Variants in RAMP1 observed in about 807,000 individuals in gnomAD.
RAMP1 encodes the protein receptor activity-modifying protein 1.
Under a neutral mutation model 8.2 loss-of-function variants are expected in RAMP1, and 7 were observed. The observed-to-expected ratio is 0.85, with a 90% CI of 0.49 to 1.60. The LOEUF (loss-of-function observed/expected upper bound fraction) is 1.60. RAMP1 is among the 40% of genes most tolerant of loss of function. The pLI is 0.00. For synonymous variants in RAMP1, 92 were observed against 84.7 expected, an observed-to-expected ratio of 1.09 and a Z score of -0.47; for missense variants, 192 against 202.4, an observed-to-expected ratio of 0.95 and a Z score of 0.31.
At chr2:237,904,840 G>A (rs965288729) in intron 2 of RAMP1, among the ~76,000 whole-genome samples, 2 of 152,196 alleles carry the variant, frequency 1.3e-5, no homozygotes, top group African/African-American at 2.4e-5. Context: ...CTGGGTAAGA[G>A]GTGGAGCTGG....
At chr2:237,909,942 T>A (rs1176759567) in intron 2 of RAMP1, among the ~76,000 whole-genome samples, 1 of 152,004 alleles carries the variant, frequency 6.6e-6, no homozygotes, top group Non-Finnish European at 1.5e-5. Context: ...ATGGCTTCTC[T>A]CCAAGCCAAG....
At chr2:237,859,581 G>GC (rs976774936), upstream of RAMP1, 6 of 936,068 alleles carry the variant, frequency 6.4e-6, no homozygotes, top group African/African-American at 1.1e-4. Flanking sequence ...GCCCGCTCCC[G>GC]CCCCCGGCGC....
At chr2:237,860,355 T>G (rs1179032923) in intron 1 of RAMP1, among the ~76,000 whole-genome samples, 2 of 152,230 alleles carry the variant, frequency 1.3e-5, no homozygotes, top group Non-Finnish European at 2.9e-5. Context: ...GCTTGTTAAC[T>G]TGGCACTTTT....
intron 2 of RAMP1, among the ~76,000 whole-genome samples, chr2:237,902,688 A>G (rs1359479281): frequency 6.6e-6 from 1 of 152,114 alleles, no homozygotes; most frequent in African/African-American, 2.4e-5. Flanking sequence ...CTGTCACCAG[A>G]GGGTCCCAGC....
intron 1 of RAMP1, among the ~76,000 whole-genome samples, chr2:237,863,352 G>C (rs930915987): frequency 4.6e-5 from 7 of 152,158 alleles, no homozygotes; most frequent in African/African-American, 1.7e-4. Flanking sequence ...CATACCCCCT[G>C]CCTACCTCTG....
At chr2:237,886,838 G>A (rs1295535395) in intron 2 of RAMP1, among the ~76,000 whole-genome samples, 3 of 152,224 alleles carry the variant, frequency 2.0e-5, no homozygotes, top group Non-Finnish European at 2.9e-5. Context: ...ATGCGGTGAC[G>A]CTAACCAGAT....
In RAMP1 at chr2:237,878,126, C is replaced by T; in HGVS notation, c.191+764C>T. 1 of 985,468 alleles carries T rather than the reference C, an allele frequency of 1.0e-6. No homozygotes were observed. The highest frequency in any genetic ancestry group is 1.2e-6 in the Non-Finnish European group (1 of 829,932). The allele number at this position is 985,468 out of a possible 1,614,324, so 61.0% of individuals were successfully genotyped here. ...TGCAGTGGGTGAGTAGCGGGGTCAG[C>T]AGTGCATGCGTGGAGCTGAAGGCCA... On this transcript the variant is annotated intron_variant, in intron 2 of 2. Coordinates refer to ENST00000254661, the MANE Select transcript of RAMP1 (RefSeq NM_005855.4). This position sits in a 1 kb window ranked among gnomAD's most constrained non-coding sequence, Gnocchi z 5.7.
intron 2 of RAMP1, among the ~76,000 whole-genome samples, chr2:237,886,403 A>G (rs1436727696): frequency 6.6e-6 from 1 of 152,090 alleles, no homozygotes; most frequent in Non-Finnish European, 1.5e-5. Flanking sequence ...GTGGGTTCTG[A>G]TGAGGATCCC....
upstream of RAMP1, chr2:237,859,577 T>TCCCGCC (rs2062110868): frequency 1.1e-6 from 1 of 898,608 alleles, no homozygotes; most frequent in African/African-American, 1.8e-5. Context: ...CCGCGCCCGC[T>TCCCGCC]CCCGCCCCCG....
intron 1 of RAMP1, among the ~76,000 whole-genome samples, chr2:237,870,343 C>T (rs1446517486): frequency 6.6e-6 from 1 of 152,236 alleles, no homozygotes; most frequent in Admixed American, 6.5e-5. Flanking sequence ...TGGGAGCACC[C>T]ATGTCCCTGC....
chr2:237,887,123 A>T (rs987623508), intron 2 of RAMP1, among the ~76,000 whole-genome samples: 5 of 152,176 alleles, frequency 3.3e-5, no homozygotes, highest in Non-Finnish European at 5.9e-5. Context: ...GAGGATGAAG[A>T]TGTGCCCTTG....
intron 1 of RAMP1, among the ~76,000 whole-genome samples, chr2:237,873,873 T>C (rs1405544140): frequency 6.6e-6 from 1 of 152,118 alleles, no homozygotes; most frequent in Non-Finnish European, 1.5e-5. Flanking sequence ...AAAATGAAAC[T>C]GGTTTCCAGA....
intron 2 of RAMP1, among the ~76,000 whole-genome samples, chr2:237,897,988 T>A (rs1014074289): frequency 6.6e-6 from 1 of 151,922 alleles, no homozygotes; most frequent in African/African-American, 2.4e-5. Context: ...TAGTAGAGAC[T>A]GGGTTTCACC....
At position 237,877,974 on chromosome 2, in the gene RAMP1, G is replaced by A. The variant is rs182640142; in HGVS notation, c.191+612G>A. ...GGTGCTGGGCCCCCATCAGCAGGCC[G>A]GGGGGTTCTCCCCAGCAGGCCCAGG... On this transcript the variant is annotated intron_variant, in intron 2 of 2. Transcript: ENST00000254661. The surrounding 1 kb of genome is among the most constrained non-coding windows in gnomAD (Gnocchi z 4.4). The A allele has an allele frequency of 2.7e-4, 268 of 985,168 alleles. 3 individuals are homozygous for A. The East Asian group carries it at 3.4e-3, about 13-fold the overall frequency. The allele number at this position is 985,168 out of a possible 1,614,324, so 61.0% of individuals were successfully genotyped here.
chr2:237,875,536 T>C (rs949103033), intron 1 of RAMP1, among the ~76,000 whole-genome samples: 1 of 152,140 alleles, frequency 6.6e-6, no homozygotes, highest in Non-Finnish European at 1.5e-5. Flanking sequence ...TCTCGCTTGC[T>C]AGCAGGTCCT....
At chr2:237,884,466 CG>C (rs1390359071) in intron 2 of RAMP1, among the ~76,000 whole-genome samples, 27 of 152,248 alleles carry the variant, frequency 1.8e-4, no homozygotes, top group African/African-American at 6.0e-4. Flanking sequence ...GAATCTGGAA[CG>C]TGCTGGACTC....
chr2:237,909,183 C>T (rs895786228), intron 2 of RAMP1, among the ~76,000 whole-genome samples: 2 of 152,204 alleles, frequency 1.3e-5, no homozygotes, highest in African/African-American at 4.8e-5. Flanking sequence ...CAAGCTGTGG[C>T]CAGATCTGGC....
chr2:237,904,189 G>A (rs546473385), intron 2 of RAMP1, among the ~76,000 whole-genome samples: 13 of 152,150 alleles, frequency 8.5e-5, no homozygotes, highest in South Asian at 4.1e-4. Context: ...TGAGGCGGGC[G>A]GATCACGAGG....
At chr2:237,885,597 G>C (rs919360121) in intron 2 of RAMP1, among the ~76,000 whole-genome samples, 8 of 152,248 alleles carry the variant, frequency 5.3e-5, no homozygotes, top group African/African-American at 1.7e-4. Context: ...GCGTGGACAG[G>C]ACAGATGGCA....
Sources: allele counts gnomAD v4.1 joint callset (sites outside exome capture counted in the v4.1 genomes callset), GRCh38; gene constraint gnomAD v4.1.1; non-coding constraint Gnocchi (gnomAD v3.1); transcripts MANE v1.5; gene names NCBI Gene and HGNC (gene_info 2026-07-23, HGNC 2026-07-21).